BMP7: variants seen among roughly 807,000 people sequenced by gnomAD.
The protein encoded by BMP7 is osteogenic protein 1.
In BMP7, 12 loss-of-function variants were observed where a neutral mutation model predicts 41.2. The observed-to-expected ratio is 0.29, with a 90% CI of 0.19 to 0.47. The LOEUF (loss-of-function observed/expected upper bound fraction) is 0.47. BMP7 is among the 20% of genes least tolerant of loss of function. BMP7 has a pLI of 0.99. For missense variants in BMP7, 467 were observed against 606.0 expected, an observed-to-expected ratio of 0.77 and a Z score of 2.41; for synonymous variants, 248 against 250.0, an observed-to-expected ratio of 0.99 and a Z score of 0.07.
chr20:57,202,278 T>C (rs979805659), intron 3 of BMP7, among the ~76,000 whole-genome samples, 197 bp downstream of exon 3: 2 of 152,178 alleles, frequency 1.3e-5, no homozygotes, highest in South Asian at 2.1e-4. Context: ...AATTCTGCTA[T>C]GACCAAACAT....
rs1443581636 is a variant in BMP7 at position 57,170,933 on chromosome 20, C to A, written c.*26G>T. On this transcript the variant is annotated 3_prime_UTR_variant, in exon 7 of 7. Transcript: ENST00000395863. ...ATGGAGGATCCAGAAAAACTTGGCCCCAAAGGGTCTGAATTCTCGGAGGAG... is the reference window on the plus strand; with the variant it reads ...ATGGAGGATCCAGAAAAACTTGGCCACAAAGGGTCTGAATTCTCGGAGGAG... The A allele has an allele frequency of 1.2e-6, 2 of 1,611,316 alleles. No homozygotes were observed. The highest frequency in any genetic ancestry group is 2.7e-5 in the African/African-American group (2 of 74,870).
chr20:57,238,565 C>T (rs981894218), intron 1 of BMP7, among the ~76,000 whole-genome samples: 10 of 152,160 alleles, frequency 6.6e-5, no homozygotes, highest in African/African-American at 1.7e-4. Flanking sequence ...TTTACCTTCC[C>T]GCCGGCAGTC....
rs2066178655 is a variant in BMP7, at chr20:57,266,306, G to A, written c.-184C>T. 2.4e-6 allele frequency: 1 copy of A among 420,218 alleles called. No individual in the cohort carries two copies. The highest frequency in any genetic ancestry group is 3.8e-6 in the Non-Finnish European group (1 of 266,298). The allele number at this position is 420,218 out of a possible 1,614,324, so 26.0% of individuals were successfully genotyped here. ...CTGCCCGGACCCCCGCCCCCTGCTCGGTGCTGGCCCCGGGCCCCTCGCCCC... is the reference window on the plus strand; with the variant it reads ...CTGCCCGGACCCCCGCCCCCTGCTCAGTGCTGGCCCCGGGCCCCTCGCCCC... On this transcript the variant is annotated 5_prime_UTR_variant, in exon 1 of 7. Coordinates refer to ENST00000395863, the MANE Select transcript of BMP7 (RefSeq NM_001719.3).
chr20:57,183,661 T>G, intron 4 of BMP7, 61 bp downstream of exon 4: 1 of 1,604,338 alleles, frequency 6.2e-7, no homozygotes, highest in South Asian at 1.1e-5. Flanking sequence ...TCCTGCCGGG[T>G]CCCGCCGGGG....
At chr20:57,253,737 T>A (rs2066123038) in intron 1 of BMP7, among the ~76,000 whole-genome samples, 1 of 151,406 alleles carries the variant, frequency 6.6e-6, no homozygotes, top group African/African-American at 2.5e-5. Flanking sequence ...AGTTGCTTCC[T>A]TTAAAAAAAA....
In BMP7 at chr20:57,261,167, G is replaced by A. The variant is rs1359315881; in HGVS notation, c.418+4538C>T. Among the ~76,000 whole-genome samples, 3 of 152,252 alleles carry A rather than the reference G, an allele frequency of 2.0e-5. No individual in the cohort carries two copies. Among genetic ancestry groups the A allele is most frequent in the South Asian group, 4.2e-4 (2 of 4,818 alleles). ...CAGGCATTCCGGTGGTGAGGGGATC[G>A]CGCACCAGCTGTGTTTATCTCGGCA... is the stretch of plus-strand genomic sequence containing the variant. On this transcript the variant is annotated intron_variant, in intron 1 of 6. Coordinates refer to ENST00000395863, the MANE Select transcript of BMP7 (RefSeq NM_001719.3). This position sits in a 1 kb window ranked among gnomAD's most constrained non-coding sequence, Gnocchi z 4.1.
chr20:57,211,950 C>T (rs1162705710), intron 2 of BMP7, among the ~76,000 whole-genome samples: 1 of 152,202 alleles, frequency 6.6e-6, no homozygotes, highest in Non-Finnish European at 1.5e-5. Flanking sequence ...CTGGGCTCAG[C>T]AGCTGGAGGA....
intron 1 of BMP7, among the ~76,000 whole-genome samples, chr20:57,238,686 A>T (rs1052254809): frequency 7.1e-4 from 108 of 152,176 alleles, no homozygotes; most frequent in African/African-American, 2.4e-3. Context: ...TGACAAAGAC[A>T]TACCCGAGAC....
chr20:57,250,111 T>A (rs186749757), intron 1 of BMP7, among the ~76,000 whole-genome samples: 1 of 152,084 alleles, frequency 6.6e-6, no homozygotes, highest in Admixed American at 6.5e-5. Flanking sequence ...TTAATGAACA[T>A]CTGGCATGGG....
intron 2 of BMP7, among the ~76,000 whole-genome samples, chr20:57,209,012 C>T (rs114185713): frequency 0.02 from 3,019 of 150,858 alleles, 104 homozygotes; most frequent in African/African-American, 0.069. Flanking sequence ...GGCAAAACCC[C>T]GTCTCTACAA....
At chr20:57,263,644 C>T (rs2146034441) in intron 1 of BMP7, among the ~76,000 whole-genome samples, 1 of 152,234 alleles carries the variant, frequency 6.6e-6, no homozygotes, top group East Asian at 1.9e-4. Flanking sequence ...AGTGGGAGTC[C>T]GGGGTACCCA....
chr20:57,225,569 CTT>C (rs61493605), intron 2 of BMP7, among the ~76,000 whole-genome samples: 3,588 of 152,226 alleles, frequency 0.024, 113 homozygotes, highest in African/African-American at 0.076. Flanking sequence ...AGAGATGACT[CTT>C]TCCCAAGGCC....
At chr20:57,187,998 T>TCAA (rs901657438) in intron 3 of BMP7, among the ~76,000 whole-genome samples, 2 of 152,024 alleles carry the variant, frequency 1.3e-5, no homozygotes, top group African/African-American at 2.4e-5. Flanking sequence ...TTATTCACCT[T>TCAA]CAACAACAAC....
intron 3 of BMP7, among the ~76,000 whole-genome samples, chr20:57,192,283 T>C (rs1984385253): frequency 7.3e-6 from 1 of 136,274 alleles, no homozygotes; most frequent in Non-Finnish European, 1.5e-5. Context: ...TATACTATAA[T>C]ATATATAGTA....
intron 1 of BMP7, among the ~76,000 whole-genome samples, chr20:57,250,574 A>C (rs2066108298): frequency 6.7e-6 from 1 of 149,812 alleles, no homozygotes; most frequent in African/African-American, 2.5e-5. Flanking sequence ...TCATTTGCCC[A>C]TATCAAAAAG....
chr20:57,237,232 G>T (rs572051626), intron 1 of BMP7, among the ~76,000 whole-genome samples: 4 of 152,316 alleles, frequency 2.6e-5, no homozygotes, highest in Non-Finnish European at 5.9e-5. Context: ...AGCTCAAGGG[G>T]CTAAAAGAAC....
At position 57,174,793 on chromosome 20, in the gene BMP7, C is replaced by T; in HGVS notation, c.1035+138G>A. On this transcript the variant is annotated intron_variant, in intron 5 of 6. Transcript: ENST00000395863. This position sits in a 1 kb window ranked among gnomAD's most constrained non-coding sequence, Gnocchi z 4.3. ...GCCTCCCTGTATCCTTAGCCCAAGT[C>T]CCCTTCCCTAGCGAGGCCACTTGAT... 2 of 926,136 alleles carry T rather than the reference C, an allele frequency of 2.2e-6. No homozygotes were observed. The highest frequency in any genetic ancestry group is 2.8e-5 in the South Asian group (2 of 71,102). The allele number at this position is 926,136 out of a possible 1,614,324, so 57.4% of individuals were successfully genotyped here. A position where few individuals can be genotyped will look rare whatever the true frequency, so the allele number is the denominator to read the frequency against.
intron 4 of BMP7, 140 bp downstream of exon 4, chr20:57,183,582 G>T: frequency 1.8e-6 from 2 of 1,083,432 alleles, no homozygotes; most frequent in Non-Finnish European, 2.7e-6. Context: ...GGTGGATTTG[G>T]GGGTTTTCTT....
rs1983760730 is a variant in BMP7 at position 57,169,299 on chromosome 20, A to T, written c.*1660T>A. ...GGGTTCCACATGGCCACAGTTTTCG[A>T]TCACCTTGTTTTCTTTACAGATGCA... is the stretch of plus-strand genomic sequence containing the variant. On this transcript the variant is annotated 3_prime_UTR_variant, in exon 7 of 7. Coordinates refer to ENST00000395863, the MANE Select transcript of BMP7 (RefSeq NM_001719.3). The T allele has an allele frequency of 6.6e-6, 1 of 152,230 alleles. No homozygotes were observed. The highest frequency in any genetic ancestry group is 1.5e-5 in the Non-Finnish European group (1 of 68,046). 9.4% of individuals were successfully genotyped at this position (152,230 alleles called of 1,614,324 possible). A position where few individuals can be genotyped will look rare whatever the true frequency, so the allele number is the denominator to read the frequency against.
Sources: allele counts gnomAD v4.1 joint callset (sites outside exome capture counted in the v4.1 genomes callset), GRCh38; gene constraint gnomAD v4.1.1; non-coding constraint Gnocchi (gnomAD v3.1); transcripts MANE v1.5; gene names NCBI Gene and HGNC (gene_info 2026-07-23, HGNC 2026-07-21).